The following IQCM variants were observed in gnomAD, a reference collection of about 807,000 sequenced individuals.
IQCM encodes IQ motif containing M, also known as IQ domain-containing protein M.
IQCM carries 45 observed loss-of-function variants against 57.6 expected under a neutral mutation model. The ratio of observed to expected loss-of-function variants is 0.78; its 90% CI spans 0.62 to 1.00. The LOEUF is 1.00. IQCM is among the 50% of genes least tolerant of loss of function. IQCM has a pLI of 0.00. For missense variants in IQCM, 468 were observed against 511.6 expected, an observed-to-expected ratio of 0.91 and a Z score of 0.82; for synonymous variants, 148 against 158.9, an observed-to-expected ratio of 0.93 and a Z score of 0.51.
Position 149,736,692 on chromosome 4 carries a change from G to A in IQCM, c.38-1234C>T, listed in dbSNP as rs73857727. Among the ~76,000 whole-genome samples the A allele has an allele frequency of 9.0e-3, 1,367 of 152,256 alleles. 10 individuals are homozygous for A. Among genetic ancestry groups the A allele is most frequent in the African/African-American group, 0.03 (1,266 of 41,558 alleles). Reference sequence around the variant, plus strand: ...AAATTGAAAAGACTGATAACACCAAGTGTTGATGAGGCTGTAGAGCTACTG... The same window carrying A: ...AAATTGAAAAGACTGATAACACCAAATGTTGATGAGGCTGTAGAGCTACTG... On this transcript the variant is annotated intron_variant, in intron 3 of 13. Transcript: ENST00000636793.
chr4:149,509,679 T>C (rs1579307088), intron 12 of IQCM, among the ~76,000 whole-genome samples: 1 of 152,278 alleles, frequency 6.6e-6, no homozygotes, highest in South Asian at 2.1e-4. Flanking sequence ...ATTATTTAAT[T>C]AGTGTAAGGT....
intron 12 of IQCM, among the ~76,000 whole-genome samples, chr4:149,448,591 A>C (rs954711937): frequency 1.1e-4 from 17 of 151,752 alleles, no homozygotes; most frequent in African/African-American, 4.1e-4. Context: ...GAATTGATTA[A>C]ATTTTAGCCA....
Position 149,667,797 on chromosome 4 carries a change from T to C in IQCM, c.565+14321A>G, listed in dbSNP as rs138974644. 1.5e-4 allele frequency among the ~76,000 whole-genome samples: 23 copies of C among 151,574 alleles called. No homozygotes were observed. In the South Asian group the frequency reaches 4.6e-3, roughly 30 times the overall value. On this transcript the variant is annotated intron_variant, in intron 7 of 13. Transcript: ENST00000636793. The stretch of plus-strand genomic sequence containing the variant: ...TTCGTGAAGCATACACAAGTATCAG[T>C]AGCCGAATTAATCAAGCAGAAGAAA...
At chr4:149,469,007 C>T (rs1006270652) in intron 12 of IQCM, among the ~76,000 whole-genome samples, 2 of 152,110 alleles carry the variant, frequency 1.3e-5, no homozygotes, top group Non-Finnish European at 2.9e-5. Context: ...GTAGACAAAA[C>T]CACAAAGATG....
At chr4:149,609,405 G>T (rs1393970427) in intron 8 of IQCM, among the ~76,000 whole-genome samples, 1 of 151,634 alleles carries the variant, frequency 6.6e-6, no homozygotes, top group Non-Finnish European at 1.5e-5. Context: ...CCAGTATTAT[G>T]CTGATACAAA....
intron 9 of IQCM, among the ~76,000 whole-genome samples, chr4:149,581,131 C>T (rs952265102): frequency 6.6e-6 from 1 of 151,352 alleles, no homozygotes; most frequent in Non-Finnish European, 1.5e-5. Context: ...GGATCAAATA[C>T]GCAATTTTAA....
intron 9 of IQCM, among the ~76,000 whole-genome samples, 197 bp downstream of exon 9, chr4:149,587,733 T>G (rs1423745983): frequency 2.0e-5 from 3 of 151,824 alleles, no homozygotes; most frequent in East Asian, 3.9e-4. Context: ...ACTAACTGAT[T>G]ACTAAAACAC....
rs961721266 is a variant in IQCM, at chr4:149,608,115, G to A, written c.681+13014C>T. On this transcript the variant is annotated intron_variant, in intron 8 of 13. Coordinates refer to ENST00000636793, the MANE Select transcript of IQCM (RefSeq NM_001363507.2). ...GCCAGTGGAAACCAAAAAAAGAGTA[G>A]GAATGGCTATACTTATCAGATAAAA... Among the ~76,000 whole-genome samples, 22 of 151,892 alleles carry A rather than the reference G, an allele frequency of 1.4e-4. No individual in the cohort carries two copies. In the Middle Eastern group the frequency reaches 0.014, roughly 94 times the overall value.
intron 12 of IQCM, among the ~76,000 whole-genome samples, chr4:149,478,986 A>G (rs1459042212): frequency 6.6e-6 from 1 of 152,092 alleles, no homozygotes; most frequent in Non-Finnish European, 1.5e-5. Context: ...AAATCATTTA[A>G]TAAATATTAG....
chr4:149,796,527 C>T (rs1318922003), intron 2 of IQCM, among the ~76,000 whole-genome samples: 1 of 152,098 alleles, frequency 6.6e-6, no homozygotes, highest in Admixed American at 6.5e-5. Context: ...ACTGGGTTTG[C>T]CACCTGCTGA....
At chr4:149,575,174 A>G (rs1286125490) in intron 9 of IQCM, among the ~76,000 whole-genome samples, 1 of 151,936 alleles carries the variant, frequency 6.6e-6, no homozygotes, top group Admixed American at 6.6e-5. Context: ...TGTGCTTTGA[A>G]TGTGGTATTT....
At chr4:149,438,826 A>G (rs1735627609) in intron 12 of IQCM, among the ~76,000 whole-genome samples, 1 of 152,056 alleles carries the variant, frequency 6.6e-6, no homozygotes, top group African/African-American at 2.4e-5. Context: ...ATGGTTAAGA[A>G]GACAGTTAAA....
intron 2 of IQCM, among the ~76,000 whole-genome samples, chr4:149,765,454 T>G (rs1156981624): frequency 6.6e-6 from 1 of 152,140 alleles, no homozygotes; most frequent in Non-Finnish European, 1.5e-5. Context: ...TCCATTTTGC[T>G]TCCAACCTCA....
At chr4:149,607,923 G>T (rs920763087) in intron 8 of IQCM, among the ~76,000 whole-genome samples, 14 of 151,716 alleles carry the variant, frequency 9.2e-5, no homozygotes, top group African/African-American at 3.4e-4. Flanking sequence ...CCTTACCAAT[G>T]AATAATAACA....
At chr4:149,692,119 G>A (rs1762982715) in intron 5 of IQCM, among the ~76,000 whole-genome samples, 1 of 152,066 alleles carries the variant, frequency 6.6e-6, no homozygotes, top group Admixed American at 6.5e-5. Context: ...GAGTACATGA[G>A]GTGTGAGCCA....
intron 7 of IQCM, among the ~76,000 whole-genome samples, chr4:149,631,059 G>C (rs1426948807): frequency 2.0e-5 from 3 of 152,174 alleles, no homozygotes; most frequent in Non-Finnish European, 4.4e-5. Flanking sequence ...CAGAAATCCA[G>C]AATGTTGGTA....
At chr4:149,734,364 A>G (rs1371773468) in intron 4 of IQCM, among the ~76,000 whole-genome samples, 1 of 152,188 alleles carries the variant, frequency 6.6e-6, no homozygotes, top group Non-Finnish European at 1.5e-5. Context: ...ACCGTGAAAC[A>G]TTCATCCCAT....
At chr4:149,436,159 T>C (rs182680997) in intron 12 of IQCM, among the ~76,000 whole-genome samples, 17 of 152,234 alleles carry the variant, frequency 1.1e-4, no homozygotes, top group Admixed American at 3.9e-4. Context: ...TATAGGTGTA[T>C]CATGTTTTGT....
At chr4:149,580,655 G>A (rs1752095864) in intron 9 of IQCM, among the ~76,000 whole-genome samples, 1 of 151,540 alleles carries the variant, frequency 6.6e-6, no homozygotes, top group African/African-American at 2.4e-5. Context: ...GTGATGGGAG[G>A]GAGACTGCAT....
Sources: gnomAD v4.1 joint callset for allele counts (sites outside exome capture counted in the v4.1 genomes callset) on GRCh38, gnomAD v4.1.1 for gene constraint, MANE v1.5 for transcripts, NCBI Gene and HGNC (gene_info 2026-07-23, HGNC 2026-07-21) for gene names.